The following PGM5 variants were observed in gnomAD, a reference collection of about 807,000 sequenced individuals.
The protein encoded by PGM5 is phosphoglucomutase 5.
A neutral mutation model predicts 59.2 loss-of-function variants in PGM5; 23 were observed. The ratio of observed to expected loss-of-function variants is 0.39; its 90% CI spans 0.28 to 0.55. The LOEUF is 0.55. Ranked by LOEUF, PGM5 falls within the 20% of genes least tolerant of loss-of-function variation. The pLI, the probability that PGM5 is intolerant of heterozygous loss-of-function variation, is 0.66. For missense variants in PGM5, 574 were observed against 748.3 expected (o/e 0.77, Z 2.72); for synonymous variants, 214 against 286.0 (o/e 0.75, Z 2.54).
intron 9 of PGM5, 142 bp downstream of exon 9, chr9:68,484,190 C>G (rs1275973120): frequency 4.2e-6 from 3 of 709,484 alleles, no homozygotes; most frequent in Non-Finnish European, 7.1e-6. Flanking sequence ...AGAGGAAAGC[C>G]CTTGATGAAG....
chr9:68,371,829 A>G (rs1821740634), intron 1 of PGM5: 1 of 152,216 alleles, frequency 6.6e-6, no homozygotes, highest in African/African-American at 2.4e-5. Flanking sequence ...GAGGGTGAAC[A>G]GAAGAGAAGA....
Position 68,470,305 on chromosome 9 carries a change from T to C in PGM5, c.1159+5097T>C, listed in dbSNP as rs75636447. On this transcript the variant is annotated intron_variant, in intron 7 of 10. Transcript: ENST00000396396. ...CACCAAATTCTTACTGACTTTAGCA[T>C]AGTCATTTTGTGCTCTGTTGTCTTA... Among the ~76,000 whole-genome samples the C allele has an allele frequency of 3.1e-3, 476 of 152,378 alleles. 3 individuals are homozygous for C. Among genetic ancestry groups the C allele is most frequent in the Non-Finnish European group, 4.9e-3 (332 of 68,034 alleles).
intron 2 of PGM5, among the ~76,000 whole-genome samples, chr9:68,383,645 T>G (rs1444650648): frequency 1.3e-5 from 2 of 151,146 alleles, no homozygotes; most frequent in African/African-American, 4.9e-5. Context: ...CTAGCGATCA[T>G]TTATACTTTA....
chr9:68,423,413 G>T (rs1050720745), intron 6 of PGM5, among the ~76,000 whole-genome samples: 1 of 152,064 alleles, frequency 6.6e-6, no homozygotes, highest in East Asian at 1.9e-4. Flanking sequence ...TTGGATTATG[G>T]CCATTCTGCA....
intron 6 of PGM5, among the ~76,000 whole-genome samples, chr9:68,421,541 A>C (rs1283508465): frequency 1.3e-5 from 2 of 152,012 alleles, no homozygotes; most frequent in Non-Finnish European, 2.9e-5. Flanking sequence ...AACATGGAGA[A>C]ACCTGTCTTT....
At chr9:68,458,543 A>G (rs141710730) in intron 6 of PGM5, among the ~76,000 whole-genome samples, 76 of 152,322 alleles carry the variant, frequency 5.0e-4, no homozygotes, top group African/African-American at 1.7e-3. Context: ...AAGAGCAGTG[A>G]TAATATCGCA....
chr9:68,419,783 T>C (rs1823097528), intron 6 of PGM5, among the ~76,000 whole-genome samples: 1 of 152,188 alleles, frequency 6.6e-6, no homozygotes, highest in South Asian at 2.1e-4. Flanking sequence ...AGGGCAGGAT[T>C]TGTGCCTCTT....
At chr9:68,379,769 T>C (rs1554678164) in intron 2 of PGM5, among the ~76,000 whole-genome samples, 1 of 151,964 alleles carries the variant, frequency 6.6e-6, no homozygotes, top group Non-Finnish European at 1.5e-5. Context: ...AGATATGCCA[T>C]GAAAACAGTT....
At chr9:68,412,494 T>C (rs1165113856) in intron 6 of PGM5, among the ~76,000 whole-genome samples, 1 of 152,250 alleles carries the variant, frequency 6.6e-6, no homozygotes, top group Non-Finnish European at 1.5e-5. Flanking sequence ...GGAAAAGCAC[T>C]GTCGAACAGT....
chr9:68,414,988 T>A (rs1822998948), intron 6 of PGM5, among the ~76,000 whole-genome samples: 1 of 147,992 alleles, frequency 6.8e-6, no homozygotes, highest in Non-Finnish European at 1.5e-5. Flanking sequence ...GAGGTACACA[T>A]AAGTATACCA....
intron 7 of PGM5, among the ~76,000 whole-genome samples, chr9:68,474,764 G>C (rs117827727): frequency 0.022 from 3,320 of 150,924 alleles, 59 homozygotes; most frequent in Non-Finnish European, 0.029. Context: ...TGGAAATATG[G>C]GTATATTCTC....
At chr9:68,430,197 T>C (rs1823319450) in intron 6 of PGM5, among the ~76,000 whole-genome samples, 1 of 152,252 alleles carries the variant, frequency 6.6e-6, no homozygotes, top group Non-Finnish European at 1.5e-5. Flanking sequence ...GTTTTGAAAT[T>C]TAACAATGGG....
intron 6 of PGM5, among the ~76,000 whole-genome samples, chr9:68,454,355 A>G (rs1435607300): frequency 3.3e-5 from 5 of 152,110 alleles, no homozygotes; most frequent in Admixed American, 6.5e-5. Flanking sequence ...TAAACTCTCA[A>G]ACTACTCAGT....
intron 6 of PGM5, among the ~76,000 whole-genome samples, chr9:68,423,578 T>A (rs1823181590): frequency 6.6e-6 from 1 of 151,826 alleles, no homozygotes; most frequent in African/African-American, 2.4e-5. Context: ...ATCAGGTTGT[T>A]TCTCTTCCCC....
intron 7 of PGM5, among the ~76,000 whole-genome samples, chr9:68,470,464 T>C (rs1328107117): frequency 1.3e-5 from 2 of 152,264 alleles, no homozygotes; most frequent in Non-Finnish European, 1.5e-5. Flanking sequence ...ATGTATATCC[T>C]AACTGAAGAT....
chr9:68,396,150 C>T (rs1554679956), intron 6 of PGM5: 1 of 152,066 alleles, frequency 6.6e-6, no homozygotes, highest in Non-Finnish European at 1.5e-5. Flanking sequence ...CATATCAACT[C>T]ACTTGATCTT....
chr9:68,391,459 C>G, intron 4 of PGM5, 75 bp from the exon 5 acceptor site: 2 of 1,218,424 alleles, frequency 1.6e-6, no homozygotes, highest in Non-Finnish European at 2.4e-6. Flanking sequence ...ATGGTGTTTC[C>G]TGTACTATTC....
intron 6 of PGM5, among the ~76,000 whole-genome samples, chr9:68,459,669 G>A (rs1045693509): frequency 2.6e-5 from 4 of 152,046 alleles, no homozygotes; most frequent in Non-Finnish European, 5.9e-5. Flanking sequence ...GCACTTGGCC[G>A]TACCACTCTT....
chr9:68,485,777 TC>T (rs1415900689), intron 9 of PGM5, among the ~76,000 whole-genome samples: 2 of 152,214 alleles, frequency 1.3e-5, no homozygotes, highest in Non-Finnish European at 2.9e-5. Flanking sequence ...AGTTTTTTGT[TC>T]CTTTTCCCAG....
Sources: gnomAD v4.1 joint callset for allele counts (sites outside exome capture counted in the v4.1 genomes callset) on GRCh38, gnomAD v4.1.1 for gene constraint, MANE v1.5 for transcripts, NCBI Gene and HGNC (gene_info 2026-07-23, HGNC 2026-07-21) for gene names.